KATNIP: variants seen among roughly 807,000 people sequenced by gnomAD.
The protein encoded by KATNIP is katanin interacting protein.
In KATNIP, 126 loss-of-function variants were observed where a neutral mutation model predicts 174.0. The ratio of observed to expected loss-of-function variants is 0.72; its 90% CI spans 0.63 to 0.84. KATNIP has a LOEUF of 0.84. Among genes scored for constraint, KATNIP ranks in the 40% least tolerant of loss-of-function variants. KATNIP has a pLI of 0.00. For synonymous variants in KATNIP, 810 were observed against 835.7 expected (o/e 0.97, Z 0.53); for missense variants, 1,958 against 2,109.7 (o/e 0.93, Z 1.41).
intron 2 of KATNIP, among the ~76,000 whole-genome samples, chr16:27,615,602 C>A (rs1046765397): frequency 1.3e-5 from 2 of 152,130 alleles, no homozygotes; most frequent in African/African-American, 4.8e-5. Flanking sequence ...GATCGGCCCA[C>A]CTCAGCCTTC....
intron 3 of KATNIP, among the ~76,000 whole-genome samples, chr16:27,625,665 G>A (rs771819124): frequency 1.3e-5 from 2 of 152,140 alleles, no homozygotes; most frequent in African/African-American, 2.4e-5. Flanking sequence ...GAATGTATCA[G>A]CTGCTAAAGA....
intron 17 of KATNIP, 21 bp downstream of exon 17, chr16:27,751,945 C>CT: frequency 1.3e-6 from 2 of 1,577,352 alleles, no homozygotes. Context: ...AGCTGGGGGG[C>CT]TGTGGGGGGA....
intron 6 of KATNIP, among the ~76,000 whole-genome samples, chr16:27,653,445 C>T (rs56299135): frequency 0.015 from 2,286 of 152,142 alleles, 30 homozygotes; most frequent in Non-Finnish European, 0.024. Context: ...CCAGACTCTG[C>T]AGCACATCCC....
intron 5 of KATNIP, among the ~76,000 whole-genome samples, chr16:27,634,835 A>G (rs571270265): frequency 1.3e-5 from 2 of 152,314 alleles, no homozygotes; most frequent in Non-Finnish European, 2.9e-5. Flanking sequence ...GTCTATACAC[A>G]TAGACCCTGG....
rs955479435 is a variant in KATNIP at position 27,550,165 on chromosome 16, C to T, written c.-6C>T. 14 of 1,612,374 alleles carry T rather than the reference C, an allele frequency of 8.7e-6. No homozygotes were observed. The highest frequency in any genetic ancestry group is 1.3e-5 in the African/African-American group (1 of 74,916). On this transcript the variant is annotated 5_prime_UTR_variant, in exon 1 of 28. Transcript: ENST00000261588. Reference sequence around the variant, plus strand: ...GTTCGAGCTCCCGGAACCGCCGCCTCTAGGGATGGACGGTGAGTGTCTGTG... The same window carrying T: ...GTTCGAGCTCCCGGAACCGCCGCCTTTAGGGATGGACGGTGAGTGTCTGTG...
At chr16:27,733,793 C>T (rs1222673958) in intron 14 of KATNIP, among the ~76,000 whole-genome samples, 1 of 152,072 alleles carries the variant, frequency 6.6e-6, no homozygotes, top group Non-Finnish European at 1.5e-5. Flanking sequence ...TGGATCCTTT[C>T]GTAAAGATGT....
intron 7 of KATNIP, chr16:27,678,907 G>T: frequency 6.6e-6 from 1 of 152,558 alleles, no homozygotes. Flanking sequence ...GGGGCAGGGA[G>T]GAGAGAGAAG....
At chr16:27,674,794 A>T (rs1162455212) in intron 6 of KATNIP, among the ~76,000 whole-genome samples, 1 of 152,130 alleles carries the variant, frequency 6.6e-6, no homozygotes, top group South Asian at 2.1e-4. Flanking sequence ...TCCCCCAAAG[A>T]TTCACCTCCA....
intron 13 of KATNIP, among the ~76,000 whole-genome samples, chr16:27,713,776 C>CAT (rs1567336437): frequency 0.019 from 321 of 17,288 alleles, 13 homozygotes; most frequent in African/African-American, 0.042. Context: ...TGTATATATA[C>CAT]ACATATTATA....
At chr16:27,685,195 T>C (rs2078480109) in intron 8 of KATNIP, 1 of 152,170 alleles carries the variant, frequency 6.6e-6, no homozygotes, top group African/African-American at 2.4e-5. Context: ...AAGACCAGCC[T>C]GGGCAGCATG....
At chr16:27,699,414 C>T in intron 9 of KATNIP, 120 bp from the exon 10 acceptor site, 1 of 1,490,844 alleles carries the variant, frequency 6.7e-7, no homozygotes, top group Non-Finnish European at 9.0e-7. Flanking sequence ...TGCCCCTGAA[C>T]TTTATATCTA....
intron 1 of KATNIP, among the ~76,000 whole-genome samples, chr16:27,569,260 C>T (rs112194315): frequency 1.3e-4 from 20 of 152,224 alleles, no homozygotes; most frequent in African/African-American, 4.8e-4. Context: ...TAAATGGTAG[C>T]GATGAAGATT....
chr16:27,753,479 C>T (rs543981434), intron 17 of KATNIP, among the ~76,000 whole-genome samples: 15 of 152,216 alleles, frequency 9.9e-5, no homozygotes, highest in Admixed American at 5.9e-4. Context: ...GAGAGACCAG[C>T]GCCTTCACTT....
In KATNIP at chr16:27,698,352, C is replaced by A; in HGVS notation, c.965C>A (p.Pro322His). The change falls in exon 9 of 28, where the codon CCC becomes CAC. Residue 322 changes from proline (P) to histidine (H), a missense_variant. Transcript: ENST00000261588. ...CSRPGSRRER[P>H]LSATRKTLCE... ...GGACCTGGAAGCCGGCGAGAGAGACCCCTGTCTGCAACCCGCAAAACTCTT... is the reference window on the plus strand; with the variant it reads ...GGACCTGGAAGCCGGCGAGAGAGACACCTGTCTGCAACCCGCAAAACTCTT... 3 of 1,611,852 alleles carry A rather than the reference C, an allele frequency of 1.9e-6. No homozygotes were observed. The highest frequency in any genetic ancestry group is 2.5e-6 in the Non-Finnish European group (3 of 1,178,814).
chr16:27,649,674 C>G (rs1363192500), intron 6 of KATNIP, among the ~76,000 whole-genome samples: 1 of 152,144 alleles, frequency 6.6e-6, no homozygotes, highest in Non-Finnish European at 1.5e-5. Context: ...CTTAAGCAAC[C>G]TGTGCTCCAA....
intron 5 of KATNIP, among the ~76,000 whole-genome samples, chr16:27,645,325 T>C (rs1369870298): frequency 6.6e-6 from 1 of 152,184 alleles, no homozygotes; most frequent in African/African-American, 2.4e-5. Context: ...GAGTGGTGTC[T>C]TAACAGATTT....
chr16:27,568,322 C>A (rs2090162700), intron 1 of KATNIP, among the ~76,000 whole-genome samples: 1 of 152,308 alleles, frequency 6.6e-6, no homozygotes, highest in Non-Finnish European at 1.5e-5. Flanking sequence ...ACAGCAAATA[C>A]CTTGAGCATA....
chr16:27,631,090 A>G lies in KATNIP; in HGVS notation c.336A>G (p.Arg112=). The G allele has an allele frequency of 6.4e-7, 1 of 1,574,134 alleles. No homozygotes were observed. Among genetic ancestry groups the G allele is most frequent in the Admixed American group, 1.8e-5 (1 of 54,322 alleles). Residue 112 remains arginine, a synonymous_variant, in exon 5 of 28, where the codon CGA becomes CGG. Transcript: ENST00000261588. ...THDYGRRTLF[R]EAEEALRRSS... Reference sequence around the variant, plus strand: ...ATTATGGACGAAGAACTCTGTTTCGAGAAGCTGAAGAAGCCTTAAGACGCA... The same window carrying G: ...ATTATGGACGAAGAACTCTGTTTCGGGAAGCTGAAGAAGCCTTAAGACGCA...
chr16:27,690,515 C>T (rs963233629), intron 8 of KATNIP, among the ~76,000 whole-genome samples: 2 of 152,134 alleles, frequency 1.3e-5, no homozygotes, highest in Non-Finnish European at 2.9e-5. Context: ...GGGAGGAATT[C>T]GTGGCCACTT....
Sources: allele counts gnomAD v4.1 joint callset (sites outside exome capture counted in the v4.1 genomes callset), GRCh38; gene constraint gnomAD v4.1.1; transcripts MANE v1.5; gene names NCBI Gene and HGNC (gene_info 2026-07-23, HGNC 2026-07-21).